The following ZNF365 variants were observed in gnomAD, a reference collection of about 807,000 sequenced individuals.
ZNF365 encodes the protein zinc finger protein 365.
A neutral mutation model predicts 35.0 loss-of-function variants in ZNF365; 22 were observed. That is an observed-to-expected ratio of 0.63 (90% CI 0.45 to 0.90). ZNF365 has a LOEUF of 0.90. Ranked by LOEUF, ZNF365 falls within the 40% of genes least tolerant of loss-of-function variation. The probability of loss-of-function intolerance (pLI) is 0.00; values close to 1 mark genes in which losing one functional copy is unlikely to be tolerated. For synonymous variants in ZNF365, 188 were observed against 196.2 expected (o/e 0.96, Z 0.35); for missense variants, 448 against 500.3 (o/e 0.90, Z 1.00).
At chr10:62,377,948 T>C (rs1349644546) in intron 2 of ZNF365, among the ~76,000 whole-genome samples, 2 of 152,262 alleles carry the variant, frequency 1.3e-5, no homozygotes, top group Non-Finnish European at 2.9e-5. Flanking sequence ...TAAAATGTAA[T>C]AATTAGAACT....
intron 2 of ZNF365, among the ~76,000 whole-genome samples, chr10:62,383,972 T>C (rs1035801571): frequency 6.6e-6 from 1 of 152,152 alleles, no homozygotes; most frequent in African/African-American, 2.4e-5. Context: ...GATCTGGAAA[T>C]CATTCTGCAT....
chr10:62,405,984 G>A (rs1291771708), downstream of ZNF365, among the ~76,000 whole-genome samples: 1 of 152,164 alleles, frequency 6.6e-6, no homozygotes, highest in African/African-American at 2.4e-5. Context: ...CCTAAACACA[G>A]AGATCTGGTA....
At chr10:62,475,671 C>A (rs1026471693) in intron 4 of ZNF365, among the ~76,000 whole-genome samples, 2 of 152,274 alleles carry the variant, frequency 1.3e-5, no homozygotes, top group Non-Finnish European at 2.9e-5. Context: ...CTAGGAAATG[C>A]CCCACGTTCT....
chr10:62,427,166 C>G (rs1162132335), intron 3 of ZNF365, among the ~76,000 whole-genome samples: 1 of 152,172 alleles, frequency 6.6e-6, no homozygotes, highest in Non-Finnish European at 1.5e-5. Context: ...TTTTTCTATA[C>G]TATTTATCAT....
chr10:62,401,657 A>G lies in ZNF365; in HGVS notation c.*1868A>G, dbSNP rs1462581519. On this transcript the variant is annotated 3_prime_UTR_variant, in exon 5 of 5. Transcript: ENST00000395254. ...GTTATTTATTATTGATGCTTATACC[A>G]TGATTGCACCTTAGCCTTTTACATA... The G allele has an allele frequency of 1.6e-5, 16 of 985,350 alleles. No individual in the cohort carries two copies. The highest frequency in any genetic ancestry group is 1.9e-5 in the Non-Finnish European group (16 of 829,830). 61.0% of individuals were successfully genotyped at this position (985,350 alleles called of 1,614,324 possible).
intron 4 of ZNF365, among the ~76,000 whole-genome samples, chr10:62,472,134 C>T (rs1841051500): frequency 1.3e-5 from 2 of 152,190 alleles, no homozygotes; most frequent in Non-Finnish European, 2.9e-5. Flanking sequence ...ATTACATTTA[C>T]CGTTTTCCAA....
chr10:62,374,810 C>A (rs542713094), intron 1 of ZNF365, among the ~76,000 whole-genome samples: 1 of 152,322 alleles, frequency 6.6e-6, no homozygotes, highest in East Asian at 1.9e-4. Context: ...CCCATTTCCC[C>A]ATCCAAAATG....
At chr10:62,463,515 GTGCGGCTT>G (rs1175283023) in intron 4 of ZNF365, among the ~76,000 whole-genome samples, 11 of 152,240 alleles carry the variant, frequency 7.2e-5, no homozygotes, top group Non-Finnish European at 1.2e-4. Context: ...GGACAAATAT[GTGCGGCTT>G]TGGTACATGA....
chr10:62,417,774 A>C (rs1472120115), intron 3 of ZNF365, among the ~76,000 whole-genome samples: 1 of 151,940 alleles, frequency 6.6e-6, no homozygotes, highest in African/African-American at 2.4e-5. Context: ...AATTTTCTCA[A>C]GTCTCTTAAT....
Position 62,400,697 on chromosome 10 carries a change from A to G in ZNF365, c.*908A>G. ...TGCGGGTGTCGCCAAGCCCTTTCCT[A>G]AGACCTGCTTCCCGGCCAGTGTCAG... On this transcript the variant is annotated 3_prime_UTR_variant, in exon 5 of 5. Coordinates refer to ENST00000395254, the MANE Select transcript of ZNF365 (RefSeq NM_014951.3). 1 of 985,606 alleles carries G rather than the reference A, an allele frequency of 1.0e-6. No homozygotes were observed. Among genetic ancestry groups the G allele is most frequent in the Non-Finnish European group, 1.2e-6 (1 of 830,028 alleles). The allele number at this position is 985,606 out of a possible 1,614,324, so 61.1% of individuals were successfully genotyped here. A position where few individuals can be genotyped will look rare whatever the true frequency, so the allele number is the denominator to read the frequency against.
At chr10:62,420,161 G>A (rs1188922238) in intron 3 of ZNF365, among the ~76,000 whole-genome samples, 1 of 151,998 alleles carries the variant, frequency 6.6e-6, no homozygotes, top group Non-Finnish European at 1.5e-5. Context: ...TTGCATTTAG[G>A]TTGAAATTAA....
chr10:62,428,567 C>A lies in ZNF365; in HGVS notation c.925-31174C>A, dbSNP rs187078670. 2.7e-3 allele frequency among the ~76,000 whole-genome samples: 415 copies of A among 152,288 alleles called. 3 individuals are homozygous for A. Among genetic ancestry groups the A allele is most frequent in the South Asian group, 0.015 (72 of 4,822 alleles). ...TCCCCAGCCCTGTGGAACTGTGAGTCAATTAAACCTCTTTTCTTTAAAAAT... is the reference window on the plus strand; with the variant it reads ...TCCCCAGCCCTGTGGAACTGTGAGTAAATTAAACCTCTTTTCTTTAAAAAT... On this transcript the variant is annotated intron_variant, in intron 3 of 4. Transcript: ENST00000395255.
chr10:62,442,990 G>A (rs576739154), intron 3 of ZNF365, among the ~76,000 whole-genome samples: 62 of 152,210 alleles, frequency 4.1e-4, no homozygotes, highest in Admixed American at 1.1e-3. Flanking sequence ...ATTGTCCGTC[G>A]CATACAGGGA....
intron 2 of ZNF365, among the ~76,000 whole-genome samples, chr10:62,378,629 C>G (rs1839376471): frequency 6.6e-6 from 1 of 152,242 alleles, no homozygotes; most frequent in African/African-American, 2.4e-5. Context: ...CAAGCACATC[C>G]TATCCTGTCC....
chr10:62,431,501 A>G (rs1589450994), intron 3 of ZNF365, among the ~76,000 whole-genome samples: 1 of 32,464 alleles, frequency 3.1e-5, no homozygotes, highest in South Asian at 1.5e-3. Context: ...TTAATAGTCT[A>G]ATGCTGTTAA....
chr10:62,462,284 G>A (rs1239446154), intron 4 of ZNF365, among the ~76,000 whole-genome samples: 2 of 152,164 alleles, frequency 1.3e-5, no homozygotes, highest in East Asian at 1.9e-4. Context: ...TATCAAATAG[G>A]TACTCAGACT....
At chr10:62,475,196 T>G (rs1264721822) in intron 4 of ZNF365, among the ~76,000 whole-genome samples, 1 of 152,224 alleles carries the variant, frequency 6.6e-6, no homozygotes, top group Non-Finnish European at 1.5e-5. Context: ...TTCCTCACAA[T>G]GGACAAGTGG....
Position 62,401,119 on chromosome 10 carries a change from C to T in ZNF365, c.*1330C>T, listed in dbSNP as rs1473240025. 1.0e-6 allele frequency: 1 copy of T among 982,440 alleles called. No homozygotes were observed. The highest frequency in any genetic ancestry group is 1.2e-6 in the Non-Finnish European group (1 of 827,524). 60.9% of individuals were successfully genotyped at this position (982,440 alleles called of 1,614,324 possible). ...TTCTGAAAACAGGAATAATTTTGTCCACAAATATATACATATATACATATA... is the reference window on the plus strand; with the variant it reads ...TTCTGAAAACAGGAATAATTTTGTCTACAAATATATACATATATACATATA... On this transcript the variant is annotated 3_prime_UTR_variant, in exon 5 of 5. Transcript: ENST00000395254.
intron 4 of ZNF365, among the ~76,000 whole-genome samples, chr10:62,471,123 T>C (rs1339886320): frequency 2.6e-5 from 4 of 152,070 alleles, no homozygotes; most frequent in African/African-American, 9.7e-5. Context: ...GCCCAGCACT[T>C]TGGGAGGCCA....
Sources: gnomAD v4.1 joint callset for allele counts (sites outside exome capture counted in the v4.1 genomes callset) on GRCh38, gnomAD v4.1.1 for gene constraint, MANE v1.5 for transcripts, NCBI Gene and HGNC (gene_info 2026-07-23, HGNC 2026-07-21) for gene names.